ADRA1D: variants seen among roughly 807,000 people sequenced by gnomAD.
ADRA1D encodes the protein adrenoceptor alpha 1D.
Under a neutral mutation model 18.6 loss-of-function variants are expected in ADRA1D, and 22 were observed. The ratio of observed to expected loss-of-function variants is 1.19; its 90% confidence interval spans 0.85 to 1.69. ADRA1D has a LOEUF of 1.69. Among genes scored for constraint, ADRA1D ranks in the 40% most tolerant of loss-of-function variants. ADRA1D has a pLI of 0.00. For missense variants in ADRA1D, 840 were observed against 840.7 expected (o/e 1.00, Z 0.01); for synonymous variants, 376 against 388.2 (o/e 0.97, Z 0.37).
intron 1 of ADRA1D, among the ~76,000 whole-genome samples, chr20:4,232,971 C>T (rs193286797): frequency 8.5e-5 from 13 of 152,158 alleles, no homozygotes; most frequent in African/African-American, 2.4e-4. Flanking sequence ...TCTGGCTTCC[C>T]GCCCTCCCTC....
chr20:4,221,784 G>T lies in ADRA1D; in HGVS notation c.1458C>A (p.Ser486Arg). The stretch of plus-strand genomic sequence containing the variant: ...GGAAGGCGCTGGGTGGCTTTCGACG[G>T]CTGGCGACCGGAGCCTGCATCTCGG... ...GTPEMQAPVA[S>R]RRKPPSAFRE... is the part of the protein sequence containing the mutation. The change falls in exon 2 of 2, where the codon AGC becomes AGA. Residue 486 changes from serine (S) to arginine (R), a missense_variant. Transcript: ENST00000379453. 1 of 1,577,124 alleles carries T rather than the reference G, an allele frequency of 6.3e-7. No individual in the cohort carries two copies. The highest frequency in any genetic ancestry group is 1.4e-5 in the African/African-American group (1 of 73,828).
chr20:4,244,611 C>G (rs564170958), intron 1 of ADRA1D, among the ~76,000 whole-genome samples: 1 of 152,286 alleles, frequency 6.6e-6, no homozygotes, highest in East Asian at 1.9e-4. Flanking sequence ...GTCCACATTC[C>G]CCCCAAAAGT....
At chr20:4,236,449 C>T (rs1195161088) in intron 1 of ADRA1D, among the ~76,000 whole-genome samples, 1 of 152,150 alleles carries the variant, frequency 6.6e-6, no homozygotes, top group East Asian at 1.9e-4. Context: ...TGAGGAGGAA[C>T]TGAGACTGAT....
chr20:4,231,232 G>A (rs1007716325), intron 1 of ADRA1D, among the ~76,000 whole-genome samples: 1 of 149,654 alleles, frequency 6.7e-6, no homozygotes, highest in Non-Finnish European at 1.5e-5. Context: ...CAATTAGTTG[G>A]GACTACAGGC....
intron 1 of ADRA1D, among the ~76,000 whole-genome samples, chr20:4,240,959 T>C (rs1414775985): frequency 6.6e-6 from 1 of 152,166 alleles, no homozygotes. Context: ...ACTTTCCATG[T>C]TAAAAACATG....
Position 4,239,423 on chromosome 20 carries a change from G to A in ADRA1D, c.1111+8424C>T, listed in dbSNP as rs562470033. The stretch of plus-strand genomic sequence containing the variant: ...GTTTTTCTTCTACTGAAAATAAAAT[G>A]TACTTCCTAGATCTGTCCATTGAAT... On this transcript the variant is annotated intron_variant, in intron 1 of 1. Transcript: ENST00000379453. The surrounding 1 kb of genome is among the most constrained non-coding windows in gnomAD (Gnocchi z 4.9). Among the ~76,000 whole-genome samples the A allele has an allele frequency of 1.3e-5, 2 of 152,334 alleles. No homozygotes were observed. Among genetic ancestry groups the A allele is most frequent in the South Asian group, 2.1e-4 (1 of 4,824 alleles).
chr20:4,237,429 A>G (rs1450512937), intron 1 of ADRA1D, among the ~76,000 whole-genome samples: 1 of 147,932 alleles, frequency 6.8e-6, no homozygotes, highest in Non-Finnish European at 1.5e-5. Flanking sequence ...TTTTCACTCC[A>G]TTATTCTGCT....
At chr20:4,242,456 A>G (rs780288635) in intron 1 of ADRA1D, among the ~76,000 whole-genome samples, 8 of 152,192 alleles carry the variant, frequency 5.3e-5, no homozygotes, top group Admixed American at 6.5e-5. Context: ...CATGATGCAT[A>G]TCTGAATATT....
rs1376263578 is a variant in ADRA1D, at chr20:4,239,945, A to G, written c.1111+7902T>C. On this transcript the variant is annotated intron_variant, in intron 1 of 1. Coordinates refer to ENST00000379453, the MANE Select transcript of ADRA1D (RefSeq NM_000678.4). The surrounding 1 kb of genome is among the most constrained non-coding windows in gnomAD (Gnocchi z 4.9). The stretch of plus-strand genomic sequence containing the variant: ...AATATCCCCACTTCAAGCCCCAGTG[A>G]TATAATGGGTCCAGGCCATGGTCAA... Among the ~76,000 whole-genome samples, 1 of 152,230 alleles carries G rather than the reference A, an allele frequency of 6.6e-6. No individual in the cohort carries two copies. Among genetic ancestry groups the G allele is most frequent in the African/African-American group, 2.4e-5 (1 of 41,464 alleles).
chr20:4,232,933 A>G (rs1981003243), intron 1 of ADRA1D, among the ~76,000 whole-genome samples: 1 of 152,180 alleles, frequency 6.6e-6, no homozygotes, highest in Admixed American at 6.5e-5. Context: ...GCTTTGCCTC[A>G]ACCACACCCT....
intron 1 of ADRA1D, among the ~76,000 whole-genome samples, chr20:4,247,272 C>A (rs939170241): frequency 7.9e-5 from 12 of 152,250 alleles, no homozygotes; most frequent in Non-Finnish European, 1.6e-4. Context: ...TGCCACTCAG[C>A]CTCCTTCCTT....
chr20:4,221,888 T>C lies in ADRA1D; in HGVS notation c.1354A>G (p.Ser452Gly). 1 of 1,486,910 alleles carries C rather than the reference T, an allele frequency of 6.7e-7. No individual in the cohort carries two copies. The highest frequency in any genetic ancestry group is 2.7e-5 in the East Asian group (1 of 37,482). 92.1% of individuals were successfully genotyped at this position (1,486,910 alleles called of 1,614,324 possible). A position where few individuals can be genotyped will look rare whatever the true frequency, so the allele number is the denominator to read the frequency against. Residue 452 changes from serine to glycine, a missense_variant, in exon 2 of 2, where the codon AGT (serine) becomes GGT (glycine). Physicochemically the swap from Ser to Gly is moderately conservative, Grantham distance 56. Transcript: ENST00000379453. ...GCTCCGGGGGGCGCGTCGCCCGAAC[T>C]CGGGGCGCAGTCCTGGCGCAGGCCG... Reference protein sequence around the residue: ...TSGLRQDCAPSSGDAPPGAPL... With the variant: ...TSGLRQDCAPGSGDAPPGAPL...
At position 4,248,793 on chromosome 20, in the gene ADRA1D, G is replaced by C; in HGVS notation, c.165C>G (p.Gly55=). 8.7e-7 allele frequency: 1 copy of C among 1,154,936 alleles called. No homozygotes were observed. The highest frequency in any genetic ancestry group is 1.1e-6 in the Non-Finnish European group (1 of 939,236). The allele number at this position is 1,154,936 out of a possible 1,614,324, so 71.5% of individuals were successfully genotyped here. A position where few individuals can be genotyped will look rare whatever the true frequency, so the allele number is the denominator to read the frequency against. Reference sequence around the variant, plus strand: ...CCTCGCCGCTGCCTGCGCCCACCACGCCGCCGCCGCCGCCCGCGCCCCCCG... The same window carrying C: ...CCTCGCCGCTGCCTGCGCCCACCACCCCGCCGCCGCCGCCCGCGCCCCCCG... ...GVPGGAGGGG[G]VVGAGSGEDN... Residue 55 remains glycine (G), a synonymous_variant, in exon 1 of 2, where the codon GGC becomes GGG. Coordinates refer to ENST00000379453, the MANE Select transcript of ADRA1D (RefSeq NM_000678.4).
chr20:4,231,038 T>TTTTCTTTCTTTCTTTCTTTTC (rs1980945415), intron 1 of ADRA1D, among the ~76,000 whole-genome samples: 1 of 108,526 alleles, frequency 9.2e-6, no homozygotes, highest in Non-Finnish European at 1.8e-5. Context: ...CTTTCTTTCT[T>TTTTCTTTCTTTCTTTCTTTTC]TTTCTTTCTT....
At chr20:4,231,042 C>CTTTCTTTCTTTCTT (rs763390892) in intron 1 of ADRA1D, among the ~76,000 whole-genome samples, 3 of 38,600 alleles carry the variant, frequency 7.8e-5, no homozygotes, top group Non-Finnish European at 1.3e-4. Context: ...CTTTCTTTTT[C>CTTTCTTTCTTTCTT]TTTCTTTCTT....
rs1325539548 is a variant in ADRA1D, at chr20:4,248,006, C to T, written c.952G>A (p.Ala318Thr). 1 of 1,559,668 alleles carries T rather than the reference C, an allele frequency of 6.4e-7. No homozygotes were observed. The highest frequency in any genetic ancestry group is 2.4e-5 in the East Asian group (1 of 41,232). ...CRGAATGADG[A>T]HGMRSAKGHT... ...CCCTTGGCGCTGCGCATGCCGTGCG[C>T]CCCGTCGGCGCCCGTGGCCGCGCCG... Residue 318 changes from alanine to threonine, a missense_variant, in exon 1 of 2, where the codon GCG becomes ACG. By Grantham distance (58) the Ala-to-Thr change is moderately conservative (BLOSUM62 0). Transcript: ENST00000379453.
intron 1 of ADRA1D, among the ~76,000 whole-genome samples, chr20:4,236,180 G>A (rs759667843): frequency 3.9e-5 from 6 of 152,170 alleles, no homozygotes; most frequent in East Asian, 1.9e-4. Flanking sequence ...TTCCAATGTC[G>A]GCTCTGACAC....
rs749509306 is a variant in ADRA1D at position 4,248,192 on chromosome 20, C to T, written c.766G>A (p.Val256Ile). The change falls in exon 1 of 2, where the codon GTC (valine) becomes ATC (isoleucine). Residue 256 changes from valine (V) to isoleucine (I), a missense_variant. Transcript: ENST00000379453. ...CGITEEAGYA[V>I]FSSVCSFYLP... is the part of the protein sequence containing the mutation. ...TAGAAGGAGCACACGGAGGAGAAGACAGCGTAGCCCGCCTCCTCGGTGATA... is the reference window on the plus strand; with the variant it reads ...TAGAAGGAGCACACGGAGGAGAAGATAGCGTAGCCCGCCTCCTCGGTGATA... The T allele has an allele frequency of 1.1e-5, 17 of 1,587,784 alleles. No individual in the cohort carries two copies. The highest frequency in any genetic ancestry group is 2.3e-5 in the South Asian group (2 of 87,330).
Position 4,248,863 on chromosome 20 carries a change from G to GCGCTGCCCC in ADRA1D, c.86_94dup (p.Gly29_Ser31dup), listed in dbSNP as rs1555822450. 2 of 1,048,834 alleles carry GCGCTGCCCC rather than the reference G, an allele frequency of 1.9e-6. No homozygotes were observed. The highest frequency in any genetic ancestry group is 2.3e-6 in the Non-Finnish European group (2 of 868,058). The allele number at this position is 1,048,834 out of a possible 1,614,324, so 65.0% of individuals were successfully genotyped here. A position where few individuals can be genotyped will look rare whatever the true frequency, so the allele number is the denominator to read the frequency against. On this transcript the variant is annotated inframe_insertion, in exon 1 of 2. Coordinates refer to ENST00000379453, the MANE Select transcript of ADRA1D (RefSeq NM_000678.4). ...GCCCTCCGAGGGGGCCGCGCCGCCC[G>GCGCTGCCCC]CGCTGCCCCCGCCGCCGCCCGCGCT... is the stretch of plus-strand genomic sequence containing the variant.
Sources: gnomAD v4.1 joint callset for allele counts (sites outside exome capture counted in the v4.1 genomes callset) on GRCh38, gnomAD v4.1.1 for gene constraint, Gnocchi (gnomAD v3.1) non-coding constraint, MANE v1.5 for transcripts, NCBI Gene and HGNC (gene_info 2026-07-23, HGNC 2026-07-21) for gene names.